The following CSMD1 variants were observed in gnomAD, a reference collection of about 807,000 sequenced individuals.
CSMD1 encodes the protein CUB and Sushi multiple domains 1, also known as CUB and sushi domain-containing protein 1.
In CSMD1, 213 loss-of-function variants were observed where a neutral mutation model predicts 417.5. That is an observed-to-expected ratio of 0.51 (90% confidence interval 0.46 to 0.57). The LOEUF (loss-of-function observed/expected upper bound fraction) is 0.57, where lower values mean the gene tolerates loss of function less well. CSMD1 is among the 20% of genes least tolerant of loss of function. CSMD1 has a pLI of 0.00. For missense variants in CSMD1, 6,923 were observed against 4,529.7 expected (o/e 1.53, Z -15.17); for synonymous variants, 2,862 against 1,736.8 (o/e 1.65, Z -16.11).
intron 6 of CSMD1, among the ~76,000 whole-genome samples, chr8:3,739,053 T>C (rs1182639854): frequency 1.3e-5 from 2 of 152,268 alleles, no homozygotes; most frequent in Non-Finnish European, 2.9e-5. Context: ...AGTTATGTTC[T>C]TACATTTCAC....
chr8:3,539,763 T>TA (rs33938448), intron 10 of CSMD1, among the ~76,000 whole-genome samples: 10,652 of 129,610 alleles, frequency 0.082, 431 homozygotes, highest in Middle Eastern at 0.11. Context: ...TTCTTTATGA[T>TA]AAAAAAAAAA....
At chr8:3,168,069 G>T (rs988099643) in intron 37 of CSMD1, among the ~76,000 whole-genome samples, 5 of 147,344 alleles carry the variant, frequency 3.4e-5, no homozygotes, top group African/African-American at 1.3e-4. Context: ...AAAAAAAAAA[G>T]ATATTTCAAA....
At position 3,492,155 on chromosome 8, in the gene CSMD1, G is replaced by A. The variant is rs547537024; in HGVS notation, c.1448+1468C>T. 2.0e-5 allele frequency among the ~76,000 whole-genome samples: 3 copies of A among 152,146 alleles called. No individual in the cohort carries two copies. The East Asian group carries it at 5.8e-4, about 29-fold the overall frequency. On this transcript the variant is annotated intron_variant, in intron 11 of 69. Transcript: ENST00000635120. ...ATCTTTAACCTATTGGGACTGAAACGGGTGGGCGTGGGTTTCAGGAGAAGC... is the reference window on the plus strand; with the variant it reads ...ATCTTTAACCTATTGGGACTGAAACAGGTGGGCGTGGGTTTCAGGAGAAGC...
chr8:4,098,907 A>C (rs1801160996), intron 3 of CSMD1, among the ~76,000 whole-genome samples: 1 of 152,204 alleles, frequency 6.6e-6, no homozygotes, highest in African/African-American at 2.4e-5. Flanking sequence ...GTGGGTTAGA[A>C]CCAGTATTAG....
At chr8:4,876,072 T>C (rs1375487742) in intron 1 of CSMD1, among the ~76,000 whole-genome samples, 4 of 152,074 alleles carry the variant, frequency 2.6e-5, no homozygotes, top group Admixed American at 2.0e-4. Context: ...AACTAGCAGA[T>C]AGCCTAATGA....
At chr8:3,606,627 C>A (rs938699584) in intron 8 of CSMD1, among the ~76,000 whole-genome samples, 1 of 151,988 alleles carries the variant, frequency 6.6e-6, no homozygotes. Context: ...ACACTGTATC[C>A]TTGGGCCACT....
chr8:4,909,364 A>C (rs1039115799), intron 1 of CSMD1, among the ~76,000 whole-genome samples: 29 of 152,150 alleles, frequency 1.9e-4, no homozygotes, highest in African/African-American at 7.0e-4. Flanking sequence ...CAGTTATAGA[A>C]ATCCCATTTT....
rs542212005 is a variant in CSMD1 at position 4,226,780 on chromosome 8, CA to C, written c.415+193172del. On this transcript the variant is annotated intron_variant, in intron 3 of 69. Transcript: ENST00000635120. ...CTTTAAATTGAATTTAAGAAAAAAA[CA>C]AAAACTCTGCCCCATTAGTGCAAGA... 1.6e-3 allele frequency among the ~76,000 whole-genome samples: 238 copies of C among 152,028 alleles called. 1 individual carries two copies. The highest frequency in any genetic ancestry group is 5.4e-3 in the African/African-American group (223 of 41,478).
chr8:3,403,988 C>T (rs186457321), intron 15 of CSMD1, among the ~76,000 whole-genome samples: 121 of 152,264 alleles, frequency 7.9e-4, no homozygotes, highest in African/African-American at 2.3e-3. Flanking sequence ...ATGGGTGGTG[C>T]TTCTTGTCCA....
At chr8:3,958,180 AT>A (rs1235036993) in intron 5 of CSMD1, among the ~76,000 whole-genome samples, 1 of 152,202 alleles carries the variant, frequency 6.6e-6, no homozygotes, top group Non-Finnish European at 1.5e-5. Context: ...TGAAATTATT[AT>A]TTTGGAGAAA....
At chr8:4,413,084 G>T (rs148135657) in intron 3 of CSMD1, among the ~76,000 whole-genome samples, 442 of 152,244 alleles carry the variant, frequency 2.9e-3, no homozygotes, top group African/African-American at 0.01. Context: ...CAGCTTCATG[G>T]AAAGAGATAT....
At chr8:3,073,368 C>G (rs1235888165) in intron 49 of CSMD1, among the ~76,000 whole-genome samples, 1 of 151,824 alleles carries the variant, frequency 6.6e-6, no homozygotes, top group African/African-American at 2.4e-5. Flanking sequence ...AAATAATTAC[C>G]CAGCAAAGTA....
chr8:4,926,944 G>C (rs562830114), intron 1 of CSMD1, among the ~76,000 whole-genome samples: 2 of 152,026 alleles, frequency 1.3e-5, no homozygotes, highest in Middle Eastern at 3.4e-3. Flanking sequence ...TTGGACCCAA[G>C]TTTAAAACTA....
chr8:3,688,634 A>G (rs762330675), intron 7 of CSMD1, among the ~76,000 whole-genome samples: 1 of 152,246 alleles, frequency 6.6e-6, no homozygotes, highest in Non-Finnish European at 1.5e-5. Flanking sequence ...GCAAAAATAC[A>G]AATTCTAGAT....
Position 4,151,161 on chromosome 8 carries a change from A to G in CSMD1, c.416-119062T>C, listed in dbSNP as rs78071613. Among the ~76,000 whole-genome samples, 1,331 of 152,336 alleles carry G rather than the reference A, an allele frequency of 8.7e-3. 23 individuals carry two copies. The highest frequency in any genetic ancestry group is 0.031 in the African/African-American group (1,275 of 41,568). Reference sequence around the variant, plus strand: ...AATACATTAGAAGAGCCAATCTTTGAAAGCAAAGGAATTCAGGCAAAATCC... The same window carrying G: ...AATACATTAGAAGAGCCAATCTTTGGAAGCAAAGGAATTCAGGCAAAATCC... On this transcript the variant is annotated intron_variant, in intron 3 of 69. Coordinates refer to ENST00000635120, the MANE Select transcript of CSMD1 (RefSeq NM_033225.6).
chr8:4,460,226 AAATTTCTAAAAACCCAAAGGAGTTAAAG>A (rs1394770839), intron 2 of CSMD1, among the ~76,000 whole-genome samples: 6 of 152,210 alleles, frequency 3.9e-5, no homozygotes, highest in Non-Finnish European at 1.5e-5. Context: ...GAAGTTAAAA[AAATTTCTAAAAACCCAAAGGAGTTAAAG>A]AAATCACTAG....
rs927681662 is a variant in CSMD1, at chr8:3,792,204, G to A, written c.819-38162C>T. On this transcript the variant is annotated intron_variant, in intron 5 of 69. Coordinates refer to ENST00000635120, the MANE Select transcript of CSMD1 (RefSeq NM_033225.6). The stretch of plus-strand genomic sequence containing the variant: ...AGCTACAGGGGAGGCTGAGATGGGA[G>A]ATCGCTCAAGCCCAGGAGGGCGAGG... 3.9e-5 allele frequency among the ~76,000 whole-genome samples: 6 copies of A among 151,994 alleles called. No individual in the cohort carries two copies. The East Asian group carries it at 5.8e-4, about 15-fold the overall frequency.
chr8:4,829,397 G>A (rs923130964), intron 1 of CSMD1, among the ~76,000 whole-genome samples: 18 of 152,132 alleles, frequency 1.2e-4, no homozygotes, highest in African/African-American at 4.1e-4. Flanking sequence ...GAGATACAAA[G>A]ATGACTTAGT....
chr8:3,777,217 TCTC>T (rs917964470), intron 5 of CSMD1, among the ~76,000 whole-genome samples: 2 of 151,816 alleles, frequency 1.3e-5, no homozygotes, highest in African/African-American at 4.8e-5. Flanking sequence ...AAATCTGCCT[TCTC>T]CTATAGAACA....
Sources: gnomAD v4.1 joint callset for allele counts (sites outside exome capture counted in the v4.1 genomes callset) on GRCh38, gnomAD v4.1.1 for gene constraint, MANE v1.5 for transcripts, NCBI Gene and HGNC (gene_info 2026-07-23, HGNC 2026-07-21) for gene names.